HIVEP1: variants seen among roughly 807,000 people sequenced by gnomAD.
HIVEP1 encodes HIVEP zinc finger 1.
HIVEP1 carries 36 observed loss-of-function variants against 180.0 expected under a neutral mutation model. The observed-to-expected ratio is 0.20, with a 90% CI of 0.15 to 0.26. The LOEUF is 0.26. Among genes scored for constraint, HIVEP1 ranks in the 10% least tolerant of loss-of-function variants. HIVEP1 has a pLI of 1.00. For missense variants in HIVEP1, 3,143 were observed against 3,268.7 expected (o/e 0.96, Z 0.94); for synonymous variants, 1,239 against 1,239.0 (o/e 1.00, Z 0.00).
chr6:12,065,585 C>T (rs913893965), intron 2 of HIVEP1, among the ~76,000 whole-genome samples: 12 of 152,130 alleles, frequency 7.9e-5, no homozygotes, highest in Non-Finnish European at 1.5e-4. Context: ...CTTCCCCTGA[C>T]GGGCTCTGTG....
At chr6:12,047,014 C>T (rs1360195574) in intron 2 of HIVEP1, among the ~76,000 whole-genome samples, 1 of 151,748 alleles carries the variant, frequency 6.6e-6, no homozygotes, top group Non-Finnish European at 1.5e-5. Flanking sequence ...GTGTCCACCA[C>T]CACGCCTGGC....
chr6:12,092,187 G>T (rs1258791838), intron 3 of HIVEP1, among the ~76,000 whole-genome samples: 1 of 152,102 alleles, frequency 6.6e-6, no homozygotes, highest in Non-Finnish European at 1.5e-5. Context: ...TGTCTCTTCT[G>T]TAGAGGTTTT....
rs757132604 is a variant in HIVEP1, at chr6:12,125,425, C to T, written c.5630C>T (p.Pro1877Leu). 18 of 1,614,096 alleles carry T rather than the reference C, an allele frequency of 1.1e-5. No homozygotes were observed. Among genetic ancestry groups the T allele is most frequent in the Non-Finnish European group, 1.5e-5 (18 of 1,179,984 alleles). Residue 1877 changes from proline (P) to leucine (L), a missense_variant, in exon 4 of 9, where the codon CCT (proline) becomes CTT (leucine). Physicochemically the swap from Pro to Leu is moderately conservative, Grantham distance 98. Around this residue, in one of 12 missense-constraint regions of HIVEP1, gnomAD observed 1,357 missense variants for 1,260.5 expected, o/e 1.08. Coordinates refer to ENST00000379388, the MANE Select transcript of HIVEP1 (RefSeq NM_002114.4). ...LTLTVRSSPA[P>L]SENTHISPLK... ...CTTACAGTTCGAAGTTCACCTGCTC[C>T]TTCAGAAAATACTCATATTTCTCCT... is the stretch of plus-strand genomic sequence containing the variant.
chr6:12,093,751 T>G (rs1773627359), intron 3 of HIVEP1, among the ~76,000 whole-genome samples: 1 of 152,090 alleles, frequency 6.6e-6, no homozygotes, highest in Non-Finnish European at 1.5e-5. Context: ...ACCCATATTT[T>G]AATATCACAG....
chr6:12,018,895 G>T (rs1288461932), intron 2 of HIVEP1, among the ~76,000 whole-genome samples: 2 of 152,212 alleles, frequency 1.3e-5, no homozygotes, highest in South Asian at 2.1e-4. Context: ...ATCAGATCAG[G>T]AAAGGCCCTC....
At position 12,163,288 on chromosome 6, in the gene HIVEP1, A is replaced by G. The variant is rs772168665; in HGVS notation, c.6984A>G (p.Pro2328=). ...TGCTCTCTCTTGTCATTTAGAGCCC[A>G]TCATCTGTAAGACTTCCTCCTGCTG... ...AGKAVAITQS[P]SSVRLPPAAA... The change falls in exon 9 of 9, where the codon CCA becomes CCG. Residue 2328 remains proline (P), a synonymous_variant. Coordinates refer to ENST00000379388, the MANE Select transcript of HIVEP1 (RefSeq NM_002114.4). 6 of 1,612,712 alleles carry G rather than the reference A, an allele frequency of 3.7e-6. No homozygotes were observed. The highest frequency in any genetic ancestry group is 2.2e-5 in the South Asian group (2 of 90,960).
chr6:12,205,385 G>A, the HIVEP1 span, among the ~76,000 whole-genome samples: 7 of 151,996 alleles, frequency 4.6e-5, no homozygotes, highest in South Asian at 2.1e-4. Context: ...GCAGGAGAAC[G>A]GCGTGAACCC....
In HIVEP1 at chr6:12,163,626, A is replaced by C. The variant is rs1040220885; in HGVS notation, c.7322A>C (p.His2441Pro). The change falls in exon 9 of 9, where the codon CAT becomes CCT. Residue 2441 changes from histidine to proline, a missense_variant. By Grantham distance (77) the His-to-Pro change is moderately conservative. This residue lies in a region of HIVEP1 where 595 missense variants were observed against 602.2 expected (regional missense o/e 0.99). Transcript: ENST00000379388. Reference protein sequence around the residue: ...VSVVHRTLGTHRNTVTEVSGT... With the variant: ...VSVVHRTLGTPRNTVTEVSGT... Reference sequence around the variant, plus strand: ...GTCGTTCACAGAACTTTGGGTACTCATAGGAATACGGTCACAGAAGTGTCT... The same window carrying C: ...GTCGTTCACAGAACTTTGGGTACTCCTAGGAATACGGTCACAGAAGTGTCT... 1.2e-6 allele frequency: 2 copies of C among 1,614,144 alleles called. No individual in the cohort carries two copies. Among genetic ancestry groups the C allele is most frequent in the Non-Finnish European group, 8.5e-7 (1 of 1,180,022 alleles).
At chr6:12,165,762 A>G (rs190648148), downstream of HIVEP1, among the ~76,000 whole-genome samples, 49 of 152,376 alleles carry the variant, frequency 3.2e-4, no homozygotes, top group African/African-American at 1.1e-3. Flanking sequence ...TTGCAGAGAC[A>G]TGAAATAAGT....
downstream of HIVEP1, among the ~76,000 whole-genome samples, chr6:12,168,306 CAT>C (rs1447359882): frequency 5.6e-4 from 5 of 8,956 alleles, no homozygotes; most frequent in Non-Finnish European, 1.5e-3. Context: ...TACATATATA[CAT>C]ATATTATATA....
chr6:12,073,047 GCTCT>G (rs1378848270), intron 2 of HIVEP1, among the ~76,000 whole-genome samples: 1 of 152,038 alleles, frequency 6.6e-6, no homozygotes, highest in Non-Finnish European at 1.5e-5. Flanking sequence ...TGTTTTAGAG[GCTCT>G]CTATTGTCAT....
At chr6:12,051,016 A>ATATATATATATATG (rs1554135667) in intron 2 of HIVEP1, among the ~76,000 whole-genome samples, 3 of 135,838 alleles carry the variant, frequency 2.2e-5, no homozygotes, top group Admixed American at 7.4e-5. Flanking sequence ...ATATATATAT[A>ATATATATATATATG]TATATATATA....
chr6:12,040,038 A>G (rs78988981), intron 2 of HIVEP1, among the ~76,000 whole-genome samples: 27 of 152,074 alleles, frequency 1.8e-4, no homozygotes, highest in African/African-American at 6.3e-4. Flanking sequence ...ATGTAAGCCC[A>G]ACAACAGATG....
chr6:12,033,683 G>T (rs1769101616), intron 2 of HIVEP1, among the ~76,000 whole-genome samples: 1 of 152,158 alleles, frequency 6.6e-6, no homozygotes, highest in African/African-American at 2.4e-5. Context: ...TTTTAGAACT[G>T]AGAATTGTAT....
chr6:12,078,540 C>G (rs1772528884), intron 2 of HIVEP1, among the ~76,000 whole-genome samples: 1 of 151,340 alleles, frequency 6.6e-6, no homozygotes, highest in Non-Finnish European at 1.5e-5. Context: ...GTTCACTACA[C>G]TTAGTGGCTT....
At chr6:12,049,734 T>C (rs1165585581) in intron 2 of HIVEP1, among the ~76,000 whole-genome samples, 1 of 152,268 alleles carries the variant, frequency 6.6e-6, no homozygotes, top group Non-Finnish European at 1.5e-5. Context: ...TTTCCACTAA[T>C]AAGCTTATAC....
chr6:12,150,626 G>A (rs924852452), intron 7 of HIVEP1, among the ~76,000 whole-genome samples: 3 of 152,132 alleles, frequency 2.0e-5, no homozygotes, highest in Admixed American at 1.3e-4. Context: ...ACACTTCCAT[G>A]TGTAGAATAT....
intron 4 of HIVEP1, among the ~76,000 whole-genome samples, chr6:12,126,245 C>T (rs188211101): frequency 3.3e-5 from 5 of 152,136 alleles, no homozygotes; most frequent in Admixed American, 2.0e-4. Context: ...TGCTTTGTTC[C>T]TCCTCATGCA....
At chr6:12,018,431 G>T (rs950821399) in intron 2 of HIVEP1, among the ~76,000 whole-genome samples, 3 of 152,244 alleles carry the variant, frequency 2.0e-5, no homozygotes, top group Admixed American at 2.0e-4. Flanking sequence ...ACAGCACGGT[G>T]TCACCTCTCA....
Sources: gnomAD v4.1 joint callset for allele counts (sites outside exome capture counted in the v4.1 genomes callset) on GRCh38, gnomAD v4.1.1 for gene constraint, gnomAD v4.1.1 regional missense constraint, MANE v1.5 for transcripts, NCBI Gene and HGNC (gene_info 2026-07-23, HGNC 2026-07-21) for gene names.